UBR4: variants seen among roughly 807,000 people sequenced by gnomAD.
UBR4 encodes ubiquitin protein ligase E3 component n-recognin 4, also known as E3 ubiquitin-protein ligase UBR4.
In UBR4, 124 loss-of-function variants were observed where a neutral mutation model predicts 575.6. That is an observed-to-expected ratio of 0.22 (90% CI 0.19 to 0.25). The LOEUF (loss-of-function observed/expected upper bound fraction) is 0.25. Among genes scored for constraint, UBR4 ranks in the 10% least tolerant of loss-of-function variants. UBR4 has a pLI of 1.00. For missense variants in UBR4, 4,818 were observed against 6,478.8 expected, an observed-to-expected ratio of 0.74 and a Z score of 8.80; for synonymous variants, 2,455 against 2,473.7, an observed-to-expected ratio of 0.99 and a Z score of 0.22.
At chr1:19,186,713 A>G in intron 13 of UBR4, 56 bp from the exon 14 acceptor site, 3 of 1,535,394 alleles carry the variant, frequency 2.0e-6, no homozygotes, top group South Asian at 1.1e-5. Context: ...CATGCATCGC[A>G]TGAAAACTTT....
chr1:19,163,739 C>A (rs773976263), intron 34 of UBR4, 25 bp downstream of exon 34: 10 of 1,612,472 alleles, frequency 6.2e-6, no homozygotes, highest in Non-Finnish European at 8.5e-6. Context: ...CTTCACCCCC[C>A]ATTGTCATTC....
chr1:19,150,634 C>T lies in UBR4; in HGVS notation c.7373G>A (p.Gly2458Asp), dbSNP rs1270031682. Residue 2458 changes from glycine to aspartate, a missense_variant, in exon 49 of 106, where the codon GGC becomes GAC. This residue lies in a region of UBR4 where 340 missense variants were observed against 375.4 expected (regional missense o/e 0.91). Transcript: ENST00000375254. Reference protein sequence around the residue: ...ICPSNLNQSNGTGDSDSAAPT... With the variant: ...ICPSNLNQSNDTGDSDSAAPT... Reference sequence around the variant, plus strand: ...GGCAGCTGAGTCGCTATCTCCAGTGCCGTTGCTCTGGTTCAGATTTGAAGG... The same window carrying T: ...GGCAGCTGAGTCGCTATCTCCAGTGTCGTTGCTCTGGTTCAGATTTGAAGG... The T allele has an allele frequency of 6.8e-6, 11 of 1,613,884 alleles. No homozygotes were observed. Among genetic ancestry groups the T allele is most frequent in the East Asian group, 4.5e-5 (2 of 44,882 alleles).
At chr1:19,174,176 A>C in intron 22 of UBR4, 143 bp downstream of exon 22, 1 of 1,159,166 alleles carries the variant, frequency 8.6e-7, no homozygotes, top group Non-Finnish European at 1.2e-6. Flanking sequence ...ATAGCTACAC[A>C]AACTACCTAG....
chr1:19,151,607 TGAG>T, intron 48 of UBR4, 33 bp downstream of exon 48: 2 of 1,611,542 alleles, frequency 1.2e-6, no homozygotes, highest in Non-Finnish European at 1.7e-6. Flanking sequence ...GCAGTCACAA[TGAG>T]GACAGAGTCT....
Position 19,110,057 on chromosome 1 carries a change from C to T in UBR4, c.12105+39G>A, listed in dbSNP as rs777993153. The T allele has an allele frequency of 1.9e-6, 3 of 1,612,228 alleles. No homozygotes were observed. The highest frequency in any genetic ancestry group is 2.5e-6 in the Non-Finnish European group (3 of 1,179,514). On this transcript the variant is annotated intron_variant, in intron 81 of 105. Transcript: ENST00000375254. The surrounding 1 kb of genome is among the most constrained non-coding windows in gnomAD (Gnocchi z 4.5). Reference sequence around the variant, plus strand: ...TGCCAGGGAATGAGGAGGGTGGCCGCCCTGCCCTTCCTTGTTAGACCCCTG... The same window carrying T: ...TGCCAGGGAATGAGGAGGGTGGCCGTCCTGCCCTTCCTTGTTAGACCCCTG...
Position 19,117,962 on chromosome 1 carries a change from T to C in UBR4, c.10542-52A>G, listed in dbSNP as rs1465292566. The C allele has an allele frequency of 6.4e-7, 1 of 1,556,712 alleles. No individual in the cohort carries two copies. The highest frequency in any genetic ancestry group is 8.9e-7 in the Non-Finnish European group (1 of 1,128,932). On this transcript the variant is annotated intron_variant, in intron 71 of 105. Transcript: ENST00000375254. This position sits in a 1 kb window ranked among gnomAD's most constrained non-coding sequence, Gnocchi z 4.0. ...AACACATTTTCATCTTAGGAAGCAC[T>C]GAGTTTCACAAAAAAATCATGACAA...
At chr1:19,173,981 A>G (rs1209109230) in intron 22 of UBR4, among the ~76,000 whole-genome samples, 1 of 152,232 alleles carries the variant, frequency 6.6e-6, no homozygotes, top group East Asian at 1.9e-4. Flanking sequence ...AATTGCTTCT[A>G]GAATATAGAG....
chr1:19,143,798 C>G (rs779467315), intron 55 of UBR4, among the ~76,000 whole-genome samples, 182 bp downstream of exon 55: 13 of 152,178 alleles, frequency 8.5e-5, no homozygotes, highest in Non-Finnish European at 1.6e-4. Context: ...ATCCTACTTA[C>G]TATATACATT....
intron 77 of UBR4, 95 bp from the exon 78 acceptor site, chr1:19,112,962 C>G: frequency 1.6e-6 from 2 of 1,282,430 alleles, no homozygotes; most frequent in Non-Finnish European, 2.1e-6. Context: ...AAAAACTTTA[C>G]ATGCATTATA....
At chr1:19,171,913 G>A (rs2089611496) in intron 25 of UBR4, among the ~76,000 whole-genome samples, 1 of 152,106 alleles carries the variant, frequency 6.6e-6, no homozygotes, top group Non-Finnish European at 1.5e-5. Flanking sequence ...AAGTCAATAA[G>A]CTTAAGAGAG....
chr1:19,122,782 A>G, intron 66 of UBR4, 51 bp downstream of exon 66: 1 of 1,603,544 alleles, frequency 6.2e-7, no homozygotes. Flanking sequence ...CTACTTGGCT[A>G]AGCCTTATCA....
chr1:19,151,653 C>CA lies in UBR4; in HGVS notation c.7202dup (p.Asn2402GlufsTer26). On this transcript the variant is annotated frameshift_variant, in exon 48 of 106. Transcript: ENST00000375254. LOFTEE classifies it high-confidence loss of function. ...GGGTTGGTGACTCACTGAAGAGGTT[C>CA]AGCTTCTTATCAGCCTGCAGGGCTT... 6.2e-7 allele frequency: 1 copy of CA among 1,614,174 alleles called. No individual in the cohort carries two copies. The highest frequency in any genetic ancestry group is 1.1e-5 in the South Asian group (1 of 91,086).
At chr1:19,081,679 G>T in intron 102 of UBR4, 106 bp from the exon 103 acceptor site, 2 of 1,263,960 alleles carry the variant, frequency 1.6e-6, no homozygotes, top group Non-Finnish European at 2.3e-6. Context: ...GACATTTGCT[G>T]AACGCTTGGA....
At chr1:19,124,500 T>C in intron 65 of UBR4, 41 bp downstream of exon 65, 1 of 1,609,630 alleles carries the variant, frequency 6.2e-7, no homozygotes, top group Non-Finnish European at 8.5e-7. Context: ...TGCAGATGTG[T>C]CCTCAGCCCA....
At chr1:19,129,204 AGCATT>A in intron 60 of UBR4, 130 bp from the exon 61 acceptor site, 1 of 690,516 alleles carries the variant, frequency 1.4e-6, no homozygotes, top group African/African-American at 1.8e-5. Flanking sequence ...AACAATCTCC[AGCATT>A]AAAAAAAAAA....
chr1:19,134,775 C>G (rs1460282276), intron 60 of UBR4, among the ~76,000 whole-genome samples: 6 of 151,714 alleles, frequency 4.0e-5, no homozygotes, highest in African/African-American at 7.3e-5. Context: ...CCACAGAAGG[C>G]TATACCCTCA....
At chr1:19,192,613 A>G in intron 9 of UBR4, 73 bp from the exon 10 acceptor site, 2 of 1,534,258 alleles carry the variant, frequency 1.3e-6, no homozygotes, top group Non-Finnish European at 1.8e-6. Context: ...AATCCTACCC[A>G]AACAATTTAA....
chr1:19,118,987 TAAAGCCC>T (rs769031605), intron 70 of UBR4, 30 bp from the exon 71 acceptor site: 1 of 1,607,434 alleles, frequency 6.2e-7, no homozygotes, highest in South Asian at 1.1e-5. Context: ...AGAAACAACT[TAAAGCCC>T]AAGGTGAAGT....
chr1:19,117,904 C>T lies in UBR4; in HGVS notation c.10548G>A (p.Leu3516=). ...NHPNSNIYNT[L]SGLVEFDGYY... ...AGCCATCAAACTCCACTAAGCCAGA[C>T]AAAGTGCTAAGGAAGAAACCAGTCT... Residue 3516 remains leucine (L), a synonymous_variant, in exon 72 of 106, where the codon TTG becomes TTA. Transcript: ENST00000375254. This position sits in a 1 kb window ranked among gnomAD's most constrained non-coding sequence, Gnocchi z 4.0. 1.2e-6 allele frequency: 2 copies of T among 1,614,132 alleles called. No homozygotes were observed. Among genetic ancestry groups the T allele is most frequent in the Non-Finnish European group, 1.7e-6 (2 of 1,179,972 alleles).
Sources: gnomAD v4.1 joint callset for allele counts (sites outside exome capture counted in the v4.1 genomes callset) on GRCh38, gnomAD v4.1.1 for gene constraint, gnomAD v4.1.1 regional missense constraint, Gnocchi (gnomAD v3.1) non-coding constraint, MANE v1.5 for transcripts, NCBI Gene and HGNC (gene_info 2026-07-23, HGNC 2026-07-21) for gene names.